Variants in C14orf132 observed in about 807,000 individuals in gnomAD.
C14orf132 encodes the protein uncharacterized protein C14orf132.
In C14orf132, 6 loss-of-function variants were observed where a neutral mutation model predicts 5.8. The ratio of observed to expected loss-of-function variants is 1.03; its 90% CI spans 0.57 to 2.04. The LOEUF (loss-of-function observed/expected upper bound fraction) is 2.04, where lower values mean the gene tolerates loss of function less well. C14orf132 is among the 30% of genes most tolerant of loss of function. C14orf132 has a pLI of 0.00. For missense variants in C14orf132, 125 were observed against 115.8 expected (o/e 1.08, Z -0.37); for synonymous variants, 51 against 49.8 (o/e 1.02, Z -0.10).
At chr14:96,069,645 T>G (rs1296885314) in intron 1 of C14orf132, among the ~76,000 whole-genome samples, 1 of 151,236 alleles carries the variant, frequency 6.6e-6, no homozygotes, top group Non-Finnish European at 1.5e-5. Flanking sequence ...CTGCACTGGC[T>G]TCAAAGGCCC....
chr14:96,043,151 C>T (rs1439268607), intron 1 of C14orf132, among the ~76,000 whole-genome samples: 1 of 152,174 alleles, frequency 6.6e-6, no homozygotes, highest in Non-Finnish European at 1.5e-5. Flanking sequence ...AAGAGAAAGT[C>T]TAGTGGCTTT....
rs914049221 is a variant in C14orf132, at chr14:96,088,874, C to T, written c.*2139C>T. ...AGCCCTGAAGAGGACTCCAGCATCC[C>T]AGGCACCGGGTGCTTCTGGCTGCAG... On this transcript the variant is annotated 3_prime_UTR_variant, in exon 2 of 2. Transcript: ENST00000555004. 6.6e-6 allele frequency: 1 copy of T among 152,302 alleles called. No individual in the cohort carries two copies. The highest frequency in any genetic ancestry group is 1.5e-5 in the Non-Finnish European group (1 of 68,092). The allele number at this position is 152,302 out of a possible 1,614,324, so 9.4% of individuals were successfully genotyped here.
rs1185305700 is a variant in C14orf132, at chr14:96,090,217, C to A, written c.*3482C>A. 1 of 170,444 alleles carries A rather than the reference C, an allele frequency of 5.9e-6. No homozygotes were observed. Among genetic ancestry groups the A allele is most frequent in the African/African-American group, 2.4e-5 (1 of 41,482 alleles). The allele number at this position is 170,444 out of a possible 1,614,324, so 10.6% of individuals were successfully genotyped here. On this transcript the variant is annotated 3_prime_UTR_variant, in exon 2 of 2. Transcript: ENST00000555004. ...GACCAGCCTGGCCAACATGGTGAAA[C>A]CCTGTCTCTACAAAAAATACAAAAA... is the stretch of plus-strand genomic sequence containing the variant.
rs1274022710 is a variant in C14orf132, at chr14:96,091,351, A to T, written c.*4616A>T. The T allele has an allele frequency of 1.7e-5, 5 of 293,260 alleles. No individual in the cohort carries two copies. Among genetic ancestry groups the T allele is most frequent in the Admixed American group, 1.4e-4 (3 of 20,932 alleles). The allele number at this position is 293,260 out of a possible 1,614,324, so 18.2% of individuals were successfully genotyped here. A position where few individuals can be genotyped will look rare whatever the true frequency, so the allele number is the denominator to read the frequency against. The stretch of plus-strand genomic sequence containing the variant: ...TTATCAGTTCCAGAACCTCACAGTG[A>T]TAAGAGGCTTTAGAGAGCATCTAAT... On this transcript the variant is annotated 3_prime_UTR_variant, in exon 2 of 2. Transcript: ENST00000555004.
intron 1 of C14orf132, among the ~76,000 whole-genome samples, chr14:96,063,767 C>A (rs1266737946): frequency 1.3e-5 from 2 of 152,166 alleles, no homozygotes; most frequent in Non-Finnish European, 2.9e-5. Flanking sequence ...AAGGAACAGT[C>A]AGCAGAGTAA....
rs1309581786 is a variant in C14orf132, at chr14:96,090,468, G to A, written c.*3733G>A. 2.8e-6 allele frequency: 1 copy of A among 363,220 alleles called. No individual in the cohort carries two copies. The highest frequency in any genetic ancestry group is 5.4e-6 in the Non-Finnish European group (1 of 183,992). 22.5% of individuals were successfully genotyped at this position (363,220 alleles called of 1,614,324 possible). Reference sequence around the variant, plus strand: ...AGGTTGTGAGTGGCCACCACTGAAGGTCTTTGAGAAGAGGCCAGACGCCGC... The same window carrying A: ...AGGTTGTGAGTGGCCACCACTGAAGATCTTTGAGAAGAGGCCAGACGCCGC... On this transcript the variant is annotated 3_prime_UTR_variant, in exon 2 of 2. Coordinates refer to ENST00000555004, the MANE Select transcript of C14orf132 (RefSeq NM_001252507.3).
At chr14:96,049,355 T>G (rs1266336523) in intron 1 of C14orf132, among the ~76,000 whole-genome samples, 1 of 151,042 alleles carries the variant, frequency 6.6e-6, no homozygotes, top group East Asian at 1.9e-4. Flanking sequence ...TTATTTATTT[T>G]TTTGAGACAG....
chr14:96,043,443 T>C (rs1886748041), intron 1 of C14orf132, among the ~76,000 whole-genome samples: 1 of 152,178 alleles, frequency 6.6e-6, no homozygotes, highest in Admixed American at 6.5e-5. Context: ...AAAGCATGCC[T>C]CGGGTCTAAA....
At chr14:96,086,407 C>A in intron 1 of C14orf132, 104 bp from the exon 2 acceptor site, 1 of 989,784 alleles carries the variant, frequency 1.0e-6, no homozygotes, top group Non-Finnish European at 1.5e-6. Flanking sequence ...CAGTAGAGAT[C>A]GTAGCTTCAT....
At chr14:96,078,700 C>T (rs1268813933) in intron 1 of C14orf132, among the ~76,000 whole-genome samples, 1 of 152,184 alleles carries the variant, frequency 6.6e-6, no homozygotes, top group African/African-American at 2.4e-5. Context: ...TGGGCTGGCA[C>T]CAAGATCTTA....
intron 1 of C14orf132, among the ~76,000 whole-genome samples, chr14:96,049,556 ATATACG>A (rs1327938305): frequency 1.5e-5 from 2 of 135,720 alleles, no homozygotes; most frequent in African/African-American, 5.2e-5. Flanking sequence ...ATATATACAT[ATATACG>A]TATATATACA....
intron 1 of C14orf132, among the ~76,000 whole-genome samples, chr14:96,057,741 G>A (rs1887222745): frequency 6.6e-6 from 1 of 152,152 alleles, no homozygotes; most frequent in African/African-American, 2.4e-5. Flanking sequence ...CTTTTGGTCA[G>A]GAAAATCACG....
intron 1 of C14orf132, among the ~76,000 whole-genome samples, chr14:96,061,387 T>G (rs1284658326): frequency 6.6e-6 from 1 of 152,208 alleles, no homozygotes; most frequent in Non-Finnish European, 1.5e-5. Flanking sequence ...CCATTGGGCA[T>G]GTATTCGCAC....
At chr14:96,066,942 T>C (rs192813807) in intron 1 of C14orf132, among the ~76,000 whole-genome samples, 42 of 152,308 alleles carry the variant, frequency 2.8e-4, no homozygotes, top group Admixed American at 8.5e-4. Context: ...TTGGTAGATC[T>C]AGAGTTTGAT....
chr14:96,040,693 C>T (rs1026659816), intron 1 of C14orf132, among the ~76,000 whole-genome samples: 1 of 152,026 alleles, frequency 6.6e-6, no homozygotes, highest in East Asian at 1.9e-4. Context: ...CCTGGCTCTC[C>T]GGCAGCCCCT....
chr14:96,055,890 G>A (rs1001734437), intron 1 of C14orf132, among the ~76,000 whole-genome samples: 3 of 152,190 alleles, frequency 2.0e-5, no homozygotes, highest in African/African-American at 7.2e-5. Flanking sequence ...CACCTGGGTA[G>A]CTGGTGTTGC....
intron 1 of C14orf132, among the ~76,000 whole-genome samples, chr14:96,080,224 A>G (rs2139678860): frequency 6.6e-6 from 1 of 152,272 alleles, no homozygotes; most frequent in East Asian, 1.9e-4. Flanking sequence ...GTGTGTAAGG[A>G]TCCAAGACAG....
rs1886865678 is a variant in C14orf132 at position 96,047,599 on chromosome 14, C to A, written c.27+8072C>A. 3.3e-5 allele frequency among the ~76,000 whole-genome samples: 5 copies of A among 152,178 alleles called. 1 individual carries two copies. Among genetic ancestry groups the A allele is most frequent in the Admixed American group, 3.3e-4 (5 of 15,270 alleles). On this transcript the variant is annotated intron_variant, in intron 1 of 1. Transcript: ENST00000555004. ...AGCAACACACACAATCTCACTGAAT[C>A]CTTGCAATGGCCCCTTGGAATAGGC...
At position 96,046,462 on chromosome 14, in the gene C14orf132, C is replaced by A. The variant is rs186085186; in HGVS notation, c.27+6935C>A. The stretch of plus-strand genomic sequence containing the variant: ...TTATTACTAAGGAGGTAGGCCATGG[C>A]TTTATTAGGCTGAACCATGTGAAAT... On this transcript the variant is annotated intron_variant, in intron 1 of 1. Coordinates refer to ENST00000555004, the MANE Select transcript of C14orf132 (RefSeq NM_001252507.3). Among the ~76,000 whole-genome samples, 9 of 152,310 alleles carry A rather than the reference C, an allele frequency of 5.9e-5. No individual in the cohort carries two copies. In the East Asian group the frequency reaches 1.7e-3, roughly 29 times the overall value.
Sources: allele counts gnomAD v4.1 joint callset (sites outside exome capture counted in the v4.1 genomes callset), GRCh38; gene constraint gnomAD v4.1.1; transcripts MANE v1.5; gene names NCBI Gene and HGNC (gene_info 2026-07-23, HGNC 2026-07-21).